DTWD2: variants seen among roughly 807,000 people sequenced by gnomAD.
DTWD2 encodes the protein tRNA-uridine aminocarboxypropyltransferase 2.
Under a neutral mutation model 31.8 loss-of-function variants are expected in DTWD2, and 39 were observed. The ratio of observed to expected loss-of-function variants is 1.22; its 90% confidence interval spans 0.95 to 1.60. DTWD2 has a LOEUF of 1.60. Ranked by LOEUF, DTWD2 falls within the 40% of genes most tolerant of loss-of-function variation. DTWD2 has a pLI of 0.00. For synonymous variants in DTWD2, 180 were observed against 142.8 expected, an observed-to-expected ratio of 1.26 and a Z score of -1.86; for missense variants, 515 against 381.5, an observed-to-expected ratio of 1.35 and a Z score of -2.92.
intron 4 of DTWD2, among the ~76,000 whole-genome samples, chr5:118,884,903 G>A (rs1471998248): frequency 6.6e-6 from 1 of 150,656 alleles, no homozygotes; most frequent in Non-Finnish European, 1.5e-5. Flanking sequence ...GGCTGAGGCA[G>A]GAGAATGGCA....
chr5:118,898,370 T>C (rs1393452516), intron 4 of DTWD2, among the ~76,000 whole-genome samples: 1 of 151,850 alleles, frequency 6.6e-6, no homozygotes, highest in Non-Finnish European at 1.5e-5. Context: ...AGAAGATAAA[T>C]TTTATGGCCG....
At chr5:118,860,059 A>G (rs1012042678) in intron 4 of DTWD2, among the ~76,000 whole-genome samples, 1 of 152,082 alleles carries the variant, frequency 6.6e-6, no homozygotes, top group Non-Finnish European at 1.5e-5. Context: ...TTGAGGCTGC[A>G]GTGAGCCATG....
intron 5 of DTWD2, among the ~76,000 whole-genome samples, chr5:118,842,590 C>T (rs890417224): frequency 1.3e-5 from 2 of 152,064 alleles, no homozygotes; most frequent in African/African-American, 4.8e-5. Context: ...AAAAAGAAAA[C>T]CCCATGTGAA....
At chr5:118,880,006 GAATAC>G (rs1225874648) in intron 4 of DTWD2, among the ~76,000 whole-genome samples, 4 of 152,304 alleles carry the variant, frequency 2.6e-5, no homozygotes, top group East Asian at 1.9e-4. Context: ...GCGATAGAGT[GAATAC>G]AATACAAAAG....
chr5:118,917,498 T>C (rs1753605154), intron 4 of DTWD2, among the ~76,000 whole-genome samples: 2 of 152,308 alleles, frequency 1.3e-5, no homozygotes, highest in Middle Eastern at 3.4e-3. Context: ...CACACTGCTA[T>C]GAAGAAAAAC....
intron 2 of DTWD2, among the ~76,000 whole-genome samples, chr5:118,941,558 T>A (rs1368771349): frequency 6.6e-6 from 1 of 152,252 alleles, no homozygotes; most frequent in Non-Finnish European, 1.5e-5. Flanking sequence ...TGTGCCACAT[T>A]TTCTTAATCC....
At chr5:118,974,892 T>C (rs1270844227) in intron 1 of DTWD2, among the ~76,000 whole-genome samples, 3 of 152,306 alleles carry the variant, frequency 2.0e-5, no homozygotes, top group Admixed American at 2.0e-4. Context: ...CTGAGAGATC[T>C]GCTGTTAGTC....
At position 118,836,955 on chromosome 5, in the gene DTWD2, G is replaced by A. The variant is rs188636357; in HGVS notation, c.*3962C>T. Among the ~76,000 whole-genome samples the A allele has an allele frequency of 1.7e-3, 256 of 152,218 alleles. 2 individuals carry two copies. Among genetic ancestry groups the A allele is most frequent in the Middle Eastern group, 0.01 (3 of 294 alleles). On this transcript the variant is annotated 3_prime_UTR_variant, in exon 6 of 6. Transcript: ENST00000510708. ...AAGACAGGAGTCAAGTGATCAGCAC[G>A]GTGTAAAAAGTCAGGGATTTCCAGA...
intron 4 of DTWD2, among the ~76,000 whole-genome samples, chr5:118,873,222 C>T (rs77489299): frequency 0.024 from 3,686 of 152,284 alleles, 61 homozygotes; most frequent in Non-Finnish European, 0.026. Context: ...GAACAGCCAT[C>T]CCGCTAGGCT....
chr5:118,961,323 G>C (rs1418432444), intron 1 of DTWD2, among the ~76,000 whole-genome samples: 1 of 151,980 alleles, frequency 6.6e-6, no homozygotes, highest in Non-Finnish European at 1.5e-5. Flanking sequence ...ATAAAATATA[G>C]CAAACAGCTT....
At position 118,943,458 on chromosome 5, in the gene DTWD2, G is replaced by A. The variant is rs1019332724; in HGVS notation, c.309+1101C>T. 5.3e-5 allele frequency among the ~76,000 whole-genome samples: 8 copies of A among 152,140 alleles called. No homozygotes were observed. The South Asian group carries it at 1.2e-3, about 24-fold the overall frequency. Reference sequence around the variant, plus strand: ...CCCAGCTACTCGGGAGGCCGAGGCAGGAGAATGGCATGAACCTGGAAGGTG... The same window carrying A: ...CCCAGCTACTCGGGAGGCCGAGGCAAGAGAATGGCATGAACCTGGAAGGTG... On this transcript the variant is annotated intron_variant, in intron 2 of 5. Coordinates refer to ENST00000510708, the MANE Select transcript of DTWD2 (RefSeq NM_173666.4).
At position 118,874,721 on chromosome 5, in the gene DTWD2, A is replaced by G. The variant is rs562170456; in HGVS notation, c.598-26503T>C. Reference sequence around the variant, plus strand: ...AAAAATATGGGATTACAAAAAGAGAACAAATCTATGACTGATTGGGGTACC... The same window carrying G: ...AAAAATATGGGATTACAAAAAGAGAGCAAATCTATGACTGATTGGGGTACC... On this transcript the variant is annotated intron_variant, in intron 4 of 5. Coordinates refer to ENST00000510708, the MANE Select transcript of DTWD2 (RefSeq NM_173666.4). Among the ~76,000 whole-genome samples the G allele has an allele frequency of 1.0e-3, 154 of 152,312 alleles. 3 individuals are homozygous for G. The South Asian group carries it at 0.031, about 31-fold the overall frequency.
intron 4 of DTWD2, among the ~76,000 whole-genome samples, chr5:118,900,199 T>G (rs758876036): frequency 1.4e-4 from 22 of 152,238 alleles, no homozygotes; most frequent in Non-Finnish European, 3.1e-4. Flanking sequence ...TTTACTGCTG[T>G]AGAGCATTCC....
intron 5 of DTWD2, among the ~76,000 whole-genome samples, chr5:118,841,315 A>G (rs115933682): frequency 1.3e-3 from 193 of 152,340 alleles, no homozygotes; most frequent in Middle Eastern, 6.8e-3. Context: ...AAAGATACAA[A>G]TACTGATTTT....
intron 4 of DTWD2, among the ~76,000 whole-genome samples, chr5:118,875,929 C>G (rs916381530): frequency 3.9e-5 from 6 of 152,188 alleles, no homozygotes; most frequent in African/African-American, 1.4e-4. Flanking sequence ...ATAACACATA[C>G]TCTAAAATTA....
chr5:118,851,816 G>T (rs1752014034), intron 4 of DTWD2, among the ~76,000 whole-genome samples: 1 of 148,802 alleles, frequency 6.7e-6, no homozygotes, highest in Non-Finnish European at 1.5e-5. Context: ...TTGTGCACAT[G>T]TACCCTAAAA....
At chr5:118,971,738 C>T (rs1294376574) in intron 1 of DTWD2, among the ~76,000 whole-genome samples, 1 of 152,166 alleles carries the variant, frequency 6.6e-6, no homozygotes, top group East Asian at 1.9e-4. Flanking sequence ...GGAAATCACT[C>T]CTCAGCAAAT....
chr5:118,973,762 A>G, intron 1 of DTWD2: 1 of 1,609,516 alleles, frequency 6.2e-7, no homozygotes, highest in Admixed American at 1.7e-5. Context: ...CTTTCTTTTT[A>G]ATCGCCTGCA....
intron 1 of DTWD2, among the ~76,000 whole-genome samples, chr5:118,970,388 C>A (rs114517254): frequency 6.6e-6 from 1 of 152,044 alleles, no homozygotes; most frequent in Admixed American, 6.5e-5. Flanking sequence ...GATTGCACCA[C>A]GGCACTCCAG....
Sources: gnomAD v4.1 joint callset for allele counts (sites outside exome capture counted in the v4.1 genomes callset) on GRCh38, gnomAD v4.1.1 for gene constraint, MANE v1.5 for transcripts, NCBI Gene and HGNC (gene_info 2026-07-23, HGNC 2026-07-21) for gene names.